The following RIMKLB variants were observed in gnomAD, a reference collection of about 807,000 sequenced individuals.
RIMKLB encodes the protein ribosomal modification protein rimK like family member B.
A neutral mutation model predicts 32.0 loss-of-function variants in RIMKLB; 7 were observed. That is an observed-to-expected ratio of 0.22 (90% CI 0.12 to 0.41). The LOEUF (loss-of-function observed/expected upper bound fraction) is 0.41. Ranked by LOEUF, RIMKLB falls within the 10% of genes least tolerant of loss-of-function variation. The pLI is 1.00. For synonymous variants in RIMKLB, 172 were observed against 185.1 expected (o/e 0.93, Z 0.57); for missense variants, 289 against 498.7 (o/e 0.58, Z 4.00).
intron 2 of RIMKLB, among the ~76,000 whole-genome samples, chr12:8,727,327 C>G (rs1946120450): frequency 6.6e-6 from 1 of 152,142 alleles, no homozygotes; most frequent in Non-Finnish European, 1.5e-5. Context: ...CTCTGCCTCC[C>G]AGGTTTATGC....
intron 5 of RIMKLB, among the ~76,000 whole-genome samples, chr12:8,757,454 C>T (rs1189561786): frequency 7.6e-6 from 1 of 131,804 alleles, no homozygotes; most frequent in Non-Finnish European, 1.5e-5. Flanking sequence ...CTAGGTGACA[C>T]AGCAAGACCC....
chr12:8,780,072 A>G (rs1429414657), downstream of RIMKLB: 1 of 152,248 alleles, frequency 6.6e-6, no homozygotes, highest in East Asian at 1.9e-4. Flanking sequence ...ATTCAGAGCC[A>G]TTGGGCAATA....
At chr12:8,681,687 G>A (rs577534161) in exon 1 of RIMKLB, 1 of 152,286 alleles carries the variant, frequency 6.6e-6, no homozygotes, top group African/African-American at 2.4e-5. Flanking sequence ...GAGCTTCCGG[G>A]TTTATGGATT....
intron 5 of RIMKLB, among the ~76,000 whole-genome samples, chr12:8,759,672 G>A (rs1194405465): frequency 6.6e-6 from 1 of 152,072 alleles, no homozygotes; most frequent in Non-Finnish European, 1.5e-5. Flanking sequence ...ATGCCAATAT[G>A]TCCGCCCCAG....
chr12:8,765,222 A>G (rs1030035127), intron 5 of RIMKLB, among the ~76,000 whole-genome samples: 3 of 152,038 alleles, frequency 2.0e-5, no homozygotes, highest in African/African-American at 7.2e-5. Flanking sequence ...GTTATAGTGG[A>G]CATCATTGAA....
chr12:8,671,441 G>T, the RIMKLB span, among the ~76,000 whole-genome samples: 5 of 151,826 alleles, frequency 3.3e-5, no homozygotes, highest in African/African-American at 9.7e-5. Context: ...GTAGAGACAG[G>T]GTTTCTCCAT....
upstream of RIMKLB, among the ~76,000 whole-genome samples, chr12:8,681,246 T>C (rs1591586206): frequency 6.6e-6 from 1 of 152,210 alleles, no homozygotes; most frequent in East Asian, 1.9e-4. Context: ...ATTACAGACA[T>C]GAGCCACTGT....
intron 2 of RIMKLB, among the ~76,000 whole-genome samples, chr12:8,742,194 G>A (rs1004313462): frequency 6.6e-6 from 1 of 151,746 alleles, no homozygotes; most frequent in Non-Finnish European, 1.5e-5. Flanking sequence ...CACCATGCCC[G>A]GCTGGAGAGC....
intron 5 of RIMKLB, among the ~76,000 whole-genome samples, chr12:8,771,456 T>C (rs12312707): frequency 0.033 from 5,006 of 152,286 alleles, 276 homozygotes; most frequent in African/African-American, 0.11. Flanking sequence ...TGGAGTGATA[T>C]GCCAGGAACT....
intron 5 of RIMKLB, among the ~76,000 whole-genome samples, chr12:8,763,361 G>T (rs1003380408): frequency 6.6e-6 from 1 of 152,160 alleles, no homozygotes; most frequent in African/African-American, 2.4e-5. Context: ...CTTCTTTAGG[G>T]CCTGGAAAGC....
At chr12:8,672,756 C>T in the RIMKLB span, among the ~76,000 whole-genome samples, 1 of 152,100 alleles carries the variant, frequency 6.6e-6, no homozygotes, top group African/African-American at 2.4e-5. Context: ...TGCTACCTCC[C>T]CGCCTCCCCG....
the RIMKLB span, among the ~76,000 whole-genome samples, chr12:8,671,910 T>TCAAAACAAAACAAAACAAAA: frequency 6.0e-4 from 91 of 151,568 alleles, no homozygotes; most frequent in Middle Eastern, 3.4e-3. Context: ...AGACTCCATC[T>TCAAAACAAAACAAAACAAAA]CAAAACAAAA....
intron 5 of RIMKLB, among the ~76,000 whole-genome samples, chr12:8,760,126 G>C (rs1253097481): frequency 6.6e-6 from 1 of 151,760 alleles, no homozygotes; most frequent in Non-Finnish European, 1.5e-5. Flanking sequence ...CCCCGTGTGT[G>C]ATGATCCCCT....
chr12:8,747,886 G>C (rs1948240073), intron 2 of RIMKLB, among the ~76,000 whole-genome samples: 1 of 151,886 alleles, frequency 6.6e-6, no homozygotes, highest in Admixed American at 6.6e-5. Context: ...CTCCCGAGTA[G>C]CTGAGATTAC....
At chr12:8,687,481 C>T (rs1237877478) in intron 1 of RIMKLB, among the ~76,000 whole-genome samples, 1 of 152,140 alleles carries the variant, frequency 6.6e-6, no homozygotes, top group African/African-American at 2.4e-5. Flanking sequence ...ACTTATTTTT[C>T]ATACTTTTTC....
At chr12:8,711,346 C>T (rs1750746869) in intron 1 of RIMKLB, among the ~76,000 whole-genome samples, 2 of 151,680 alleles carry the variant, frequency 1.3e-5, no homozygotes, top group South Asian at 4.1e-4. Flanking sequence ...CTGCAATGGG[C>T]TATGATTGCA....
chr12:8,710,678 G>A (rs930189932), intron 1 of RIMKLB, among the ~76,000 whole-genome samples: 2 of 151,990 alleles, frequency 1.3e-5, no homozygotes, highest in African/African-American at 2.4e-5. Flanking sequence ...CAGAATCATC[G>A]GGAACACTGT....
chr12:8,712,787 A>G (rs1944485797), intron 1 of RIMKLB, among the ~76,000 whole-genome samples: 1 of 152,166 alleles, frequency 6.6e-6, no homozygotes, highest in Non-Finnish European at 1.5e-5. Flanking sequence ...TCCAGCTGCC[A>G]CTATTCAGGA....
chr12:8,744,288 A>G (rs1947871779), intron 2 of RIMKLB, among the ~76,000 whole-genome samples: 1 of 151,838 alleles, frequency 6.6e-6, no homozygotes, highest in African/African-American at 2.4e-5. Context: ...GGAGGCATTG[A>G]ATTTCTTTCC....
Sources: allele counts gnomAD v4.1 joint callset (sites outside exome capture counted in the v4.1 genomes callset), GRCh38; gene constraint gnomAD v4.1.1; transcripts MANE v1.5; gene names NCBI Gene and HGNC (gene_info 2026-07-23, HGNC 2026-07-21).